The following MAP3K1 variants were observed in gnomAD, a reference collection of about 807,000 sequenced individuals.
The protein encoded by MAP3K1 is mitogen-activated protein kinase kinase kinase 1.
In MAP3K1, 36 loss-of-function variants were observed where a neutral mutation model predicts 144.2. The observed-to-expected ratio is 0.25, with a 90% CI of 0.19 to 0.33. The LOEUF (loss-of-function observed/expected upper bound fraction) is 0.33. MAP3K1 is among the 10% of genes least tolerant of loss of function. MAP3K1 has a pLI of 1.00. For missense variants in MAP3K1, 1,650 were observed against 1,881.9 expected (o/e 0.88, Z 2.28); for synonymous variants, 718 against 688.7 (o/e 1.04, Z -0.67).
chr5:56,824,091 A>T (rs560680381), intron 1 of MAP3K1, among the ~76,000 whole-genome samples: 3 of 152,202 alleles, frequency 2.0e-5, no homozygotes, highest in Non-Finnish European at 4.4e-5. Context: ...ACTTGGGATA[A>T]ATAAAAGTTC....
chr5:56,868,687 A>G (rs114074334), intron 6 of MAP3K1, among the ~76,000 whole-genome samples: 33 of 152,260 alleles, frequency 2.2e-4, no homozygotes, highest in African/African-American at 7.7e-4. Context: ...CCCGGCCGTA[A>G]TGGTTTCTTA....
At chr5:56,871,869 ATTC>A in intron 6 of MAP3K1, 38 bp from the exon 7 acceptor site, 2 of 1,600,664 alleles carry the variant, frequency 1.2e-6, no homozygotes, top group Non-Finnish European at 1.7e-6. Flanking sequence ...TCTACTTTAT[ATTC>A]TTTTATGCTT....
intron 18 of MAP3K1, 172 bp from the exon 19 acceptor site, chr5:56,888,054 C>T (rs1748438799): frequency 1.6e-6 from 1 of 632,462 alleles, no homozygotes; most frequent in Non-Finnish European, 2.7e-6. Context: ...TATTTTTGTG[C>T]TACCTGGAAA....
intron 10 of MAP3K1, among the ~76,000 whole-genome samples, chr5:56,878,348 G>A (rs773230486): frequency 2.6e-5 from 4 of 152,064 alleles, no homozygotes; most frequent in Non-Finnish European, 5.9e-5. Flanking sequence ...AATACCTAAT[G>A]TAGATGACGG....
intron 3 of MAP3K1, among the ~76,000 whole-genome samples, chr5:56,863,803 CTATT>C (rs1360257182): frequency 2.0e-5 from 3 of 152,140 alleles, no homozygotes; most frequent in African/African-American, 4.8e-5. Context: ...TTACCCTTAA[CTATT>C]TAATTAGGGA....
intron 10 of MAP3K1, among the ~76,000 whole-genome samples, chr5:56,875,663 C>CATGGTTTT (rs1748002212): frequency 6.6e-6 from 1 of 152,046 alleles, no homozygotes; most frequent in Non-Finnish European, 1.5e-5. Flanking sequence ...TAGAGACAGA[C>CATGGTTTT]TAAAAACCAT....
chr5:56,887,631 T>A, intron 18 of MAP3K1, 111 bp downstream of exon 18: 1 of 1,137,770 alleles, frequency 8.8e-7, no homozygotes, highest in Non-Finnish European at 1.3e-6. Flanking sequence ...CAACTAGAAG[T>A]CCGTGGCCCT....
At chr5:56,870,153 C>T (rs749687579) in intron 6 of MAP3K1, among the ~76,000 whole-genome samples, 1 of 151,990 alleles carries the variant, frequency 6.6e-6, no homozygotes, top group South Asian at 2.1e-4. Context: ...TGGCAAAAAC[C>T]GCAATTACTT....
At chr5:56,858,515 ATTATCC>A (rs2111869941) in intron 2 of MAP3K1, among the ~76,000 whole-genome samples, 1 of 152,326 alleles carries the variant, frequency 6.6e-6, no homozygotes, top group Non-Finnish European at 1.5e-5. Flanking sequence ...CGGATTTCGT[ATTATCC>A]TTAGGAAGTT....
chr5:56,860,237 A>G (rs768038073), intron 3 of MAP3K1, among the ~76,000 whole-genome samples: 11 of 152,240 alleles, frequency 7.2e-5, no homozygotes, highest in Non-Finnish European at 1.5e-4. Context: ...CAGCCATTAA[A>G]GAAAAAAATG....
chr5:56,876,065 A>G (rs1748018105), intron 10 of MAP3K1, among the ~76,000 whole-genome samples: 1 of 151,578 alleles, frequency 6.6e-6, no homozygotes, highest in Admixed American at 6.6e-5. Flanking sequence ...TAGAGTGACA[A>G]GGAGGTAATT....
intron 1 of MAP3K1, among the ~76,000 whole-genome samples, chr5:56,843,344 A>G (rs975549161): frequency 2.3e-4 from 35 of 152,022 alleles, no homozygotes; most frequent in African/African-American, 8.2e-4. Context: ...GACCTGCTTC[A>G]CCCACCAGTC....
Position 56,888,295 on chromosome 5 carries a change from G to A in MAP3K1, c.4327G>A (p.Ala1443Thr), listed in dbSNP as rs559360433. 6.2e-7 allele frequency: 1 copy of A among 1,613,782 alleles called. No individual in the cohort carries two copies. Among genetic ancestry groups the A allele is most frequent in the South Asian group, 1.1e-5 (1 of 91,074 alleles). Reference protein sequence around the residue: ...WSVGCAIIEMACAKPPWNAEK... With the variant: ...WSVGCAIIEMTCAKPPWNAEK... Reference sequence around the variant, plus strand: ...TGTTGGCTGTGCTATTATAGAAATGGCTTGTGCAAAACCACCATGGAATGC... The same window carrying A: ...TGTTGGCTGTGCTATTATAGAAATGACTTGTGCAAAACCACCATGGAATGC... The change falls in exon 19 of 20, where the codon GCT (alanine) becomes ACT (threonine). Residue 1443 changes from alanine to threonine, a missense_variant. Ala to Thr is a moderately conservative substitution (Grantham distance 58). This residue lies in a region of MAP3K1 where 165 missense variants were observed against 322.9 expected (regional missense o/e 0.51). Transcript: ENST00000399503.
intron 1 of MAP3K1, among the ~76,000 whole-genome samples, chr5:56,826,458 A>T (rs1244101755): frequency 1.3e-5 from 2 of 150,816 alleles, no homozygotes; most frequent in African/African-American, 4.9e-5. Flanking sequence ...AGATTTTCTT[A>T]TTTTGTGTTA....
intron 19 of MAP3K1, among the ~76,000 whole-genome samples, chr5:56,889,098 C>G (rs542145693): frequency 6.6e-6 from 1 of 152,256 alleles, no homozygotes; most frequent in South Asian, 2.1e-4. Flanking sequence ...ACTTTAAAAA[C>G]GTGAAATTCA....
intron 1 of MAP3K1, among the ~76,000 whole-genome samples, chr5:56,847,362 C>T (rs1389575424): frequency 6.6e-6 from 1 of 152,190 alleles, no homozygotes. Context: ...TTCGGGAGGC[C>T]GAAGTGGGTG....
chr5:56,878,966 A>G lies in MAP3K1; in HGVS notation c.1966-14A>G, dbSNP rs370254772. The G allele has an allele frequency of 3.1e-6, 5 of 1,613,350 alleles. No homozygotes were observed. The African/African-American group carries it at 5.3e-5, about 17-fold the overall frequency. ...TAAGTGTACATAAACTGACCTTCAG[A>G]TTTTTTTCCTTAGAAAACATTGAGA... On this transcript the variant is annotated splice_polypyrimidine_tract_variant and intron_variant, in intron 10 of 19. Coordinates refer to ENST00000399503, the MANE Select transcript of MAP3K1 (RefSeq NM_005921.2).
intron 1 of MAP3K1, among the ~76,000 whole-genome samples, chr5:56,830,826 T>C (rs569731554): frequency 6.6e-6 from 1 of 152,172 alleles, no homozygotes; most frequent in East Asian, 1.9e-4. Context: ...GGTTAAAGAG[T>C]TTAAAAATCT....
rs16886478 is a variant in MAP3K1 at position 56,893,204 on chromosome 5, A to G, written c.4390-327A>G. ...AAGAACAAACCATCTCGGAGATTGA[A>G]TATGAGGACAGCAGAATTCATTTGA... On this transcript the variant is annotated intron_variant, in intron 19 of 19. Transcript: ENST00000399503. Among the ~76,000 whole-genome samples the G allele has an allele frequency of 0.032, 4,898 of 152,288 alleles. 252 individuals are homozygous for G. Among genetic ancestry groups the G allele is most frequent in the African/African-American group, 0.11 (4,676 of 41,530 alleles).
Sources: allele counts gnomAD v4.1 joint callset (sites outside exome capture counted in the v4.1 genomes callset), GRCh38; gene constraint gnomAD v4.1.1; regional missense constraint gnomAD v4.1.1; transcripts MANE v1.5; gene names NCBI Gene and HGNC (gene_info 2026-07-23, HGNC 2026-07-21).